The following AGMO variants were observed in gnomAD, a reference collection of about 807,000 sequenced individuals.
AGMO encodes the protein glyceryl-ether monooxygenase.
AGMO carries 75 observed loss-of-function variants against 60.2 expected under a neutral mutation model. That is an observed-to-expected ratio of 1.25 (90% CI 1.03 to 1.51). The LOEUF (loss-of-function observed/expected upper bound fraction) is 1.51. Ranked by LOEUF, AGMO falls within the 40% of genes most tolerant of loss-of-function variation. The pLI is 0.00. For synonymous variants in AGMO, 261 were observed against 177.1 expected (o/e 1.47, Z -3.76); for missense variants, 763 against 525.5 (o/e 1.45, Z -4.42).
At chr7:15,437,088 T>C (rs1427149892) in intron 3 of AGMO, among the ~76,000 whole-genome samples, 1 of 152,080 alleles carries the variant, frequency 6.6e-6, no homozygotes, top group Non-Finnish European at 1.5e-5. Context: ...GCTAAGTAAA[T>C]GAAATAAAAT....
chr7:15,413,889 G>C (rs2128493074), intron 5 of AGMO, among the ~76,000 whole-genome samples: 1 of 152,018 alleles, frequency 6.6e-6, no homozygotes, highest in Non-Finnish European at 1.5e-5. Context: ...ACGATTAGAA[G>C]GTAAACATCT....
intron 12 of AGMO, among the ~76,000 whole-genome samples, chr7:15,357,023 C>G (rs1782559653): frequency 6.7e-6 from 1 of 149,588 alleles, no homozygotes; most frequent in East Asian, 2.0e-4. Flanking sequence ...ACTCAGGAGG[C>G]TGAGGCAGGA....
chr7:15,355,159 G>A (rs1782474880), intron 12 of AGMO, among the ~76,000 whole-genome samples: 2 of 151,986 alleles, frequency 1.3e-5, no homozygotes, highest in Non-Finnish European at 1.5e-5. Flanking sequence ...CAAGAATAGA[G>A]AAAAATCATC....
chr7:15,431,866 G>T (rs1355576953), intron 3 of AGMO, among the ~76,000 whole-genome samples: 1 of 151,594 alleles, frequency 6.6e-6, no homozygotes, highest in Admixed American at 6.6e-5. Flanking sequence ...AAGAAGTGTG[G>T]TTTTTAAAAA....
At chr7:15,439,642 C>A (rs1354134481) in intron 3 of AGMO, among the ~76,000 whole-genome samples, 7 of 152,190 alleles carry the variant, frequency 4.6e-5, no homozygotes, top group East Asian at 3.8e-4. Context: ...GCCTTACACC[C>A]TTGTTCTTTG....
intron 6 of AGMO, among the ~76,000 whole-genome samples, chr7:15,391,976 C>T (rs944388512): frequency 1.3e-5 from 2 of 152,106 alleles, no homozygotes; most frequent in East Asian, 1.9e-4. Flanking sequence ...TATAAGCAGG[C>T]GTGGGCATGC....
chr7:15,223,506 A>T (rs1480048318), intron 12 of AGMO, among the ~76,000 whole-genome samples: 3 of 152,024 alleles, frequency 2.0e-5, no homozygotes, highest in Non-Finnish European at 4.4e-5. Flanking sequence ...CTTTTTAAAA[A>T]GAAAATGTAA....
intron 10 of AGMO, among the ~76,000 whole-genome samples, chr7:15,382,087 T>C (rs957515773): frequency 6.6e-6 from 1 of 152,084 alleles, no homozygotes; most frequent in Non-Finnish European, 1.5e-5. Flanking sequence ...ACCTAGATGA[T>C]AAAATAATCC....
chr7:15,312,760 T>A (rs1358162392), intron 12 of AGMO, among the ~76,000 whole-genome samples: 1 of 151,434 alleles, frequency 6.6e-6, no homozygotes, highest in African/African-American at 2.4e-5. Context: ...GTCTGCTCAC[T>A]GCAACCTCTG....
intron 4 of AGMO, among the ~76,000 whole-genome samples, chr7:15,424,562 CT>C (rs1447402886): frequency 6.6e-6 from 1 of 152,132 alleles, no homozygotes; most frequent in Non-Finnish European, 1.5e-5. Flanking sequence ...TTCAAAATGA[CT>C]TTGAATATTT....
chr7:15,428,450 A>T (rs1346146127), intron 4 of AGMO, among the ~76,000 whole-genome samples: 1 of 152,156 alleles, frequency 6.6e-6, no homozygotes, highest in Non-Finnish European at 1.5e-5. Context: ...GTTTGTAAAG[A>T]TAAATTATTC....
intron 12 of AGMO, among the ~76,000 whole-genome samples, chr7:15,351,302 TCCG>T (rs1436287619): frequency 6.6e-6 from 1 of 152,128 alleles, no homozygotes; most frequent in African/African-American, 2.4e-5. Flanking sequence ...GGCTCACTTC[TCCG>T]CCATTATGTA....
intron 12 of AGMO, chr7:15,358,135 T>G (rs989467727): frequency 5.6e-6 from 1 of 180,124 alleles, no homozygotes; most frequent in Non-Finnish European, 1.2e-5. Flanking sequence ...AATGAACATT[T>G]AATTCACCAT....
At chr7:15,470,462 A>G (rs1266314724) in intron 3 of AGMO, among the ~76,000 whole-genome samples, 1 of 151,952 alleles carries the variant, frequency 6.6e-6, no homozygotes, top group Non-Finnish European at 1.5e-5. Context: ...AATAAAGTCA[A>G]ATTGTTTCTA....
At chr7:15,508,515 A>G (rs116991436) in intron 3 of AGMO, among the ~76,000 whole-genome samples, 5,898 of 152,232 alleles carry the variant, frequency 0.039, 170 homozygotes, top group Non-Finnish European at 0.054. Context: ...ATGTTCTGTT[A>G]GGAAGTGGGT....
At chr7:15,379,375 T>C (rs1307180220) in intron 10 of AGMO, among the ~76,000 whole-genome samples, 3 of 151,998 alleles carry the variant, frequency 2.0e-5, no homozygotes, top group Non-Finnish European at 4.4e-5. Context: ...GTTAATTAGA[T>C]TGATAAAGAA....
At chr7:15,364,820 G>C (rs1490748914) in intron 12 of AGMO, among the ~76,000 whole-genome samples, 1 of 152,032 alleles carries the variant, frequency 6.6e-6, no homozygotes, top group African/African-American at 2.4e-5. Flanking sequence ...CTTAAATAAA[G>C]TTATACATTG....
chr7:15,199,619 G>A (rs1479809711), downstream of AGMO, among the ~76,000 whole-genome samples: 2 of 151,972 alleles, frequency 1.3e-5, no homozygotes, highest in East Asian at 1.9e-4. Flanking sequence ...GTAGAATCAG[G>A]GTCTTGAGAA....
Position 15,451,220 on chromosome 7 carries a change from C to A in AGMO, c.410-20112G>T, listed in dbSNP as rs140893165. 2.8e-4 allele frequency among the ~76,000 whole-genome samples: 42 copies of A among 152,012 alleles called. No homozygotes were observed. In the East Asian group the frequency reaches 7.0e-3, roughly 25 times the overall value. On this transcript the variant is annotated intron_variant, in intron 3 of 12. Transcript: ENST00000342526. The stretch of plus-strand genomic sequence containing the variant: ...TACATATTTGTCAGTGGAAATGAAA[C>A]CTGATATGATATAAAATTATTTTCG...
Sources: gnomAD v4.1 joint callset for allele counts (sites outside exome capture counted in the v4.1 genomes callset) on GRCh38, gnomAD v4.1.1 for gene constraint, MANE v1.5 for transcripts, NCBI Gene and HGNC (gene_info 2026-07-23, HGNC 2026-07-21) for gene names.